TGFBR2: variants seen among roughly 807,000 people sequenced by gnomAD.
TGFBR2 encodes the protein TGF-beta receptor type-2.
In TGFBR2, 18 loss-of-function variants were observed where a neutral mutation model predicts 49.0. The ratio of observed to expected loss-of-function variants is 0.37; its 90% CI spans 0.25 to 0.54. The LOEUF is 0.54. TGFBR2 is among the 20% of genes least tolerant of loss of function. The pLI is 0.85. For synonymous variants in TGFBR2, 282 were observed against 275.9 expected (o/e 1.02, Z -0.22); for missense variants, 525 against 722.6 (o/e 0.73, Z 3.13).
At chr3:30,657,918 T>G (rs987702349) in intron 3 of TGFBR2, among the ~76,000 whole-genome samples, 5 of 152,232 alleles carry the variant, frequency 3.3e-5, no homozygotes, top group Admixed American at 6.5e-5. Context: ...GGCTCTCTGT[T>G]TTAGAAAGGT....
intron 1 of TGFBR2, among the ~76,000 whole-genome samples, chr3:30,608,859 TA>T (rs1697984456): frequency 6.6e-6 from 1 of 152,240 alleles, no homozygotes; most frequent in Admixed American, 6.5e-5. Context: ...GACATTTTGC[TA>T]ATAAATATTT....
chr3:30,636,335 A>G (rs147280832), intron 1 of TGFBR2, among the ~76,000 whole-genome samples: 3 of 152,266 alleles, frequency 2.0e-5, no homozygotes, highest in East Asian at 1.9e-4. Context: ...CTATATTAGT[A>G]TTACAAAAAC....
At chr3:30,607,795 A>ATATATATATAT (rs1559444082) in intron 1 of TGFBR2, among the ~76,000 whole-genome samples, 2 of 132,468 alleles carry the variant, frequency 1.5e-5, no homozygotes, top group Non-Finnish European at 3.1e-5. Context: ...AATAAAAATA[A>ATATATATATAT]AAAAATATAT....
At chr3:30,663,996 G>A (rs1452500151) in intron 3 of TGFBR2, among the ~76,000 whole-genome samples, 3 of 134,248 alleles carry the variant, frequency 2.2e-5, no homozygotes, top group South Asian at 2.8e-4. Context: ...GGAGTTGGGG[G>A]GGCAGGGGGA....
chr3:30,671,526 C>G (rs949111812), intron 3 of TGFBR2, 112 bp from the exon 4 acceptor site: 28 of 1,113,428 alleles, frequency 2.5e-5, no homozygotes, highest in Non-Finnish European at 3.8e-5. Context: ...ATCGTATCTA[C>G]AAAAACTATG....
intron 1 of TGFBR2, among the ~76,000 whole-genome samples, chr3:30,625,991 G>T (rs1353770793): frequency 1.3e-5 from 2 of 152,128 alleles, no homozygotes; most frequent in African/African-American, 4.8e-5. Context: ...TGCACGTTAG[G>T]ATCACCTGCG....
chr3:30,606,664 C>T lies in TGFBR2; in HGVS notation c.-220C>T, dbSNP rs992887867. On this transcript the variant is annotated 5_prime_UTR_variant, in exon 1 of 7. Coordinates refer to ENST00000295754, the MANE Select transcript of TGFBR2 (RefSeq NM_003242.6). ...CCCGCTCGGGACAGGAGCCGGACTC[C>T]TGTGCAGCTTCCCTCGGCCGCCGGG... 2.7e-6 allele frequency: 1 copy of T among 376,150 alleles called. No individual in the cohort carries two copies. The highest frequency in any genetic ancestry group is 4.7e-6 in the Non-Finnish European group (1 of 210,880). 23.3% of individuals were successfully genotyped at this position (376,150 alleles called of 1,614,324 possible).
chr3:30,608,214 G>A (rs1472792133), intron 1 of TGFBR2, among the ~76,000 whole-genome samples: 1 of 152,136 alleles, frequency 6.6e-6, no homozygotes, highest in African/African-American at 2.4e-5. Context: ...TGGGATTACA[G>A]GCGTGAGCCA....
intron 5 of TGFBR2, among the ~76,000 whole-genome samples, chr3:30,683,604 A>C (rs1392726983): frequency 6.6e-6 from 1 of 152,228 alleles, no homozygotes; most frequent in Non-Finnish European, 1.5e-5. Context: ...AGAGATTTAC[A>C]TTTCTTTATA....
rs973162630 is a variant in TGFBR2 at position 30,676,634 on chromosome 3, TG to T, written c.1396+2389del. ...CACTGGTCCAAACTACCCAACATTT[TG>T]CCCAAGGCAGATTCAGTTGGCACCA... is the stretch of plus-strand genomic sequence containing the variant. On this transcript the variant is annotated intron_variant, in intron 5 of 6. Transcript: ENST00000295754. The surrounding 1 kb of genome is among the most constrained non-coding windows in gnomAD (Gnocchi z 4.3). Among the ~76,000 whole-genome samples the T allele has an allele frequency of 2.6e-5, 4 of 152,248 alleles. No individual in the cohort carries two copies. The highest frequency in any genetic ancestry group is 5.9e-5 in the Non-Finnish European group (4 of 68,046).
At chr3:30,689,010 A>C (rs1310630555) in intron 6 of TGFBR2, among the ~76,000 whole-genome samples, 7 of 152,192 alleles carry the variant, frequency 4.6e-5, no homozygotes, top group Non-Finnish European at 8.8e-5. Context: ...CAGACTTGGG[A>C]GAGGCCTGAG....
intron 1 of TGFBR2, among the ~76,000 whole-genome samples, chr3:30,610,262 T>C (rs1227637627): frequency 6.6e-6 from 1 of 152,220 alleles, no homozygotes; most frequent in East Asian, 1.9e-4. Context: ...TTTAACTGTT[T>C]ATATTTGAAA....
At chr3:30,683,840 G>C (rs1699576253) in intron 5 of TGFBR2, among the ~76,000 whole-genome samples, 1 of 152,190 alleles carries the variant, frequency 6.6e-6, no homozygotes, top group Non-Finnish European at 1.5e-5. Flanking sequence ...GCTCTGTCCA[G>C]TTCCCCAGGA....
rs1054691904 is a variant in TGFBR2 at position 30,688,369 on chromosome 3, T to C, written c.1397-15T>C. 3 of 1,614,040 alleles carry C rather than the reference T, an allele frequency of 1.9e-6. No homozygotes were observed. Among genetic ancestry groups the C allele is most frequent in the African/African-American group, 2.7e-5 (2 of 74,956 alleles). On this transcript the variant is annotated splice_polypyrimidine_tract_variant and intron_variant, in intron 5 of 6. Transcript: ENST00000295754. ...CCATTCTCAGTGACCCTGTGTTTGC[T>C]GGCTTTCTTCACAGAAGTAAAAGAT...
rs1208645549 is a variant in TGFBR2 at position 30,671,903 on chromosome 3, G to A, written c.720G>A (p.Glu240=). 2 of 1,614,198 alleles carry A rather than the reference G, an allele frequency of 1.2e-6. No individual in the cohort carries two copies. Residue 240 remains glutamate, a synonymous_variant, in exon 4 of 7, where the codon GAG becomes GAA. Coordinates refer to ENST00000295754, the MANE Select transcript of TGFBR2 (RefSeq NM_003242.6). ...TCANNINHNT[E]LLPIELDTLV... ...CCAACAACATCAACCACAACACAGAGCTGCTGCCCATTGAGCTGGACACCC... is the reference window on the plus strand; with the variant it reads ...CCAACAACATCAACCACAACACAGAACTGCTGCCCATTGAGCTGGACACCC...
At chr3:30,652,232 G>GTTTTTTTTTTTTTTT (rs11386584) in intron 3 of TGFBR2, among the ~76,000 whole-genome samples, 1 of 97,030 alleles carries the variant, frequency 1.0e-5, no homozygotes, top group Non-Finnish European at 1.9e-5. Flanking sequence ...TTTTCTGGTT[G>GTTTTTTTTTTTTTTT]TTTTTTTTTT....
At chr3:30,631,050 T>C (rs1015867097) in intron 1 of TGFBR2, among the ~76,000 whole-genome samples, 1 of 150,886 alleles carries the variant, frequency 6.6e-6, no homozygotes, top group African/African-American at 2.4e-5. Flanking sequence ...TTTTTTTTTT[T>C]TTTTTTTTAA....
In TGFBR2 at chr3:30,624,841, G is replaced by C. The variant is rs147843617; in HGVS notation, c.94+17864G>C. Among the ~76,000 whole-genome samples the C allele has an allele frequency of 4.4e-3, 673 of 152,202 alleles. 2 individuals are homozygous for C. The highest frequency in any genetic ancestry group is 0.013 in the Admixed American group (192 of 15,284). On this transcript the variant is annotated intron_variant, in intron 1 of 6. Transcript: ENST00000295754. ...GTGGACTTCTTTCTGTTTTCCACCA[G>C]TGTTCTTCAGGGTGATTTTTCCAGT...
At chr3:30,648,419 T>TACACACACAC (rs35473576) in intron 2 of TGFBR2, among the ~76,000 whole-genome samples, 1,311 of 115,580 alleles carry the variant, frequency 0.011, 22 homozygotes, top group African/African-American at 0.018. Context: ...AAAAACAACC[T>TACACACACAC]ACACACACAC....
Sources: gnomAD v4.1 joint callset for allele counts (sites outside exome capture counted in the v4.1 genomes callset) on GRCh38, gnomAD v4.1.1 for gene constraint, Gnocchi (gnomAD v3.1) non-coding constraint, MANE v1.5 for transcripts, NCBI Gene and HGNC (gene_info 2026-07-23, HGNC 2026-07-21) for gene names.